PCDHGB4: variants seen among roughly 807,000 people sequenced by gnomAD.
PCDHGB4 encodes the protein protocadherin gamma subfamily B, 4, also known as protocadherin gamma-B4.
In PCDHGB4, 38 loss-of-function variants were observed where a neutral mutation model predicts 60.5. The observed-to-expected ratio is 0.63, with a 90% CI of 0.48 to 0.82. The LOEUF (loss-of-function observed/expected upper bound fraction) is 0.82, where lower values mean the gene tolerates loss of function less well. PCDHGB4 is among the 40% of genes least tolerant of loss of function. The probability of loss-of-function intolerance (pLI) is 0.00; values close to 1 mark genes in which losing one functional copy is unlikely to be tolerated. For synonymous variants in PCDHGB4, 456 were observed against 509.7 expected (o/e 0.89, Z 1.42); for missense variants, 1,109 against 1,209.6 (o/e 0.92, Z 1.23).
intron 1 of PCDHGB4, 131 bp downstream of exon 1, chr5:141,390,412 C>A: frequency 8.3e-7 from 1 of 1,206,056 alleles, no homozygotes; most frequent in Admixed American, 2.5e-5. Flanking sequence ...AAGTTGTAGT[C>A]AGTTAAAAAG....
At chr5:141,426,916 A>T (rs1227752756) in intron 1 of PCDHGB4, 2 of 456,618 alleles carry the variant, frequency 4.4e-6, no homozygotes, top group Non-Finnish European at 4.4e-6. Context: ...CTGGTCCTGG[A>T]AGCAATGGAC....
Position 141,477,919 on chromosome 5 carries a change from G to A in PCDHGB4, c.2398-16888G>A. 2.5e-6 allele frequency: 4 copies of A among 1,614,162 alleles called. No individual in the cohort carries two copies. The highest frequency in any genetic ancestry group is 8.5e-7 in the Non-Finnish European group (1 of 1,180,026). The stretch of plus-strand genomic sequence containing the variant: ...TGGTAGGCTGGGACGCGGATGCAGG[G>A]CACAATGCCTGGCTCTCCTACAGTC... On this transcript the variant is annotated intron_variant, in intron 1 of 3. Transcript: ENST00000519479. The surrounding 1 kb of genome is among the most constrained non-coding windows in gnomAD (Gnocchi z 4.9).
chr5:141,410,737 C>A, intron 1 of PCDHGB4: 1 of 1,295,554 alleles, frequency 7.7e-7, no homozygotes, highest in East Asian at 2.5e-5. Context: ...TAGCTTTTTA[C>A]AATATTTTCT....
At chr5:141,419,443 C>A in intron 1 of PCDHGB4, 1 of 1,613,080 alleles carries the variant, frequency 6.2e-7, no homozygotes, top group Non-Finnish European at 8.5e-7. Context: ...TGCGCACCTT[C>A]GAGCTCACGC....
rs1275109387 is a variant in PCDHGB4 at position 141,431,924 on chromosome 5, A to G, written c.2397+41643A>G. The G allele has an allele frequency of 1.1e-5, 17 of 1,614,050 alleles. No homozygotes were observed. Among genetic ancestry groups the G allele is most frequent in the Non-Finnish European group, 1.4e-5 (17 of 1,179,982 alleles). On this transcript the variant is annotated intron_variant, in intron 1 of 3. Coordinates refer to ENST00000519479, the MANE Select transcript of PCDHGB4 (RefSeq NM_003736.4). The surrounding 1 kb of genome is among the most constrained non-coding windows in gnomAD (Gnocchi z 4.8). ...ACAGGTGATCTGTTTCATCCAAGGA[A>G]ATCTGCCCTTTAAATTAGAAAAATC... is the stretch of plus-strand genomic sequence containing the variant.
At chr5:141,509,163 C>T (rs561329093) in intron 3 of PCDHGB4, among the ~76,000 whole-genome samples, 1 of 152,204 alleles carries the variant, frequency 6.6e-6, no homozygotes, top group East Asian at 1.9e-4. Context: ...CTCCCGTGTG[C>T]CCTCCTCCTC....
At chr5:141,420,164 A>G (rs2096471602) in intron 1 of PCDHGB4, 1 of 1,614,040 alleles carries the variant, frequency 6.2e-7, no homozygotes, top group Non-Finnish European at 8.5e-7. Context: ...TAATTTTTTC[A>G]CATCTGTTGA....
chr5:141,421,527 GTCC>G (rs2096581302), intron 1 of PCDHGB4: 1 of 1,614,050 alleles, frequency 6.2e-7, no homozygotes, highest in African/African-American at 1.3e-5. Flanking sequence ...GTGAGACGGT[GTCC>G]TCCTGTTTTT....
chr5:141,393,452 G>T lies in PCDHGB4; in HGVS notation c.2397+3171G>T, dbSNP rs189963623. 9.0e-3 allele frequency: 14,601 copies of T among 1,614,028 alleles called. 101 individuals are homozygous for T. The highest frequency in any genetic ancestry group is 0.01 in the Non-Finnish European group (11,851 of 1,179,906). ...AGGCTGCTCACCACCTGGTCCTCACGGCCTCGGATGGCGGCAAGCCGCCTC... is the reference window on the plus strand; with the variant it reads ...AGGCTGCTCACCACCTGGTCCTCACTGCCTCGGATGGCGGCAAGCCGCCTC... On this transcript the variant is annotated intron_variant, in intron 1 of 3. Coordinates refer to ENST00000519479, the MANE Select transcript of PCDHGB4 (RefSeq NM_003736.4).
intron 1 of PCDHGB4, chr5:141,413,132 A>C (rs1313665743): frequency 1.3e-6 from 2 of 1,542,144 alleles, no homozygotes; most frequent in Admixed American, 4.0e-5. Context: ...GAAACACACA[A>C]CGTGTCCAGT....
rs192747939 is a variant in PCDHGB4 at position 141,487,483 on chromosome 5, T to A, written c.2398-7324T>A. ...TTGTTGATGTGGGAGGCCACTCTCA[T>A]GGCTGTACACCCTTGGCTTCTGCAC... On this transcript the variant is annotated intron_variant, in intron 1 of 3. Transcript: ENST00000519479. This position sits in a 1 kb window ranked among gnomAD's most constrained non-coding sequence, Gnocchi z 5.0. 1 of 1,614,224 alleles carries A rather than the reference T, an allele frequency of 6.2e-7. No individual in the cohort carries two copies. The highest frequency in any genetic ancestry group is 1.1e-5 in the South Asian group (1 of 91,084).
intron 1 of PCDHGB4, chr5:141,410,723 T>G: frequency 7.2e-7 from 1 of 1,391,168 alleles, no homozygotes; most frequent in Non-Finnish European, 9.6e-7. Context: ...ATGTTTAAAA[T>G]CCATAGCTTT....
chr5:141,463,086 GC>G (rs1171354311), intron 1 of PCDHGB4, among the ~76,000 whole-genome samples: 1 of 152,098 alleles, frequency 6.6e-6, no homozygotes, highest in African/African-American at 2.4e-5. Context: ...ACATTTTCCA[GC>G]CCTATGTGAC....
rs768383792 is a variant in PCDHGB4 at position 141,476,155 on chromosome 5, C to A, written c.2398-18652C>A. 1.2e-6 allele frequency: 2 copies of A among 1,612,382 alleles called. No homozygotes were observed. Among genetic ancestry groups the A allele is most frequent in the Non-Finnish European group, 1.7e-6 (2 of 1,179,764 alleles). On this transcript the variant is annotated intron_variant, in intron 1 of 3. Coordinates refer to ENST00000519479, the MANE Select transcript of PCDHGB4 (RefSeq NM_003736.4). This position sits in a 1 kb window ranked among gnomAD's most constrained non-coding sequence, Gnocchi z 7.6. ...CCTGGAGGAGCGGACTGGTAAGCAC[C>A]GGGAGGGTAGTGGGAGTTTTGCTTC... is the stretch of plus-strand genomic sequence containing the variant.
Position 141,454,796 on chromosome 5 carries a change from A to ATTTTTTTTTTTTT in PCDHGB4, c.2398-39994_2398-39982dup, listed in dbSNP as rs61612330. On this transcript the variant is annotated intron_variant, in intron 1 of 3. Coordinates refer to ENST00000519479, the MANE Select transcript of PCDHGB4 (RefSeq NM_003736.4). ...AAGGAAATAATCCTCCATGGTTCTAATTTTTTTTTTTTTTTTTTTTTTTTT... is the reference window on the plus strand; with the variant it reads ...AAGGAAATAATCCTCCATGGTTCTAATTTTTTTTTTTTTTTTTTTTTTTTTTTTTTTTTTTTTT... Among the ~76,000 whole-genome samples the ATTTTTTTTTTTTT allele has an allele frequency of 1.7e-3, 135 of 77,462 alleles. 8 individuals carry two copies. The highest frequency in any genetic ancestry group is 2.5e-3 in the Admixed American group (14 of 5,554). The allele number at this position is 77,462 out of a possible 152,430, so 50.8% of individuals were successfully genotyped here.
intron 1 of PCDHGB4, chr5:141,403,705 C>T: frequency 6.2e-7 from 1 of 1,613,894 alleles, no homozygotes; most frequent in Non-Finnish European, 8.5e-7. Context: ...GAGTTAAAGT[C>T]CTTGAGAACG....
rs369354938 is a variant in PCDHGB4, at chr5:141,404,125, T to C, written c.2397+13844T>C. 7.5e-4 allele frequency: 1,204 copies of C among 1,613,214 alleles called. 1 individual carries two copies. The highest frequency in any genetic ancestry group is 8.4e-4 in the Non-Finnish European group (986 of 1,179,494). On this transcript the variant is annotated intron_variant, in intron 1 of 3. Coordinates refer to ENST00000519479, the MANE Select transcript of PCDHGB4 (RefSeq NM_003736.4). Reference sequence around the variant, plus strand: ...TCTGTTCTATCCAGGAGAATCTATCTTTTACATTAGAAAATTCAGAAGAAG... The same window carrying C: ...TCTGTTCTATCCAGGAGAATCTATCCTTTACATTAGAAAATTCAGAAGAAG...
intron 1 of PCDHGB4, among the ~76,000 whole-genome samples, chr5:141,434,490 G>A (rs566645029): frequency 2.5e-4 from 38 of 152,274 alleles, no homozygotes; most frequent in Non-Finnish European, 4.9e-4. Flanking sequence ...CACCTGGCCC[G>A]CCCAGGGCAG....
At chr5:141,407,453 C>T (rs914537742) in intron 1 of PCDHGB4, among the ~76,000 whole-genome samples, 4 of 148,722 alleles carry the variant, frequency 2.7e-5, no homozygotes, top group Non-Finnish European at 6.0e-5. Flanking sequence ...ACACGAGGCT[C>T]ACCAGACAGA....
Sources: allele counts gnomAD v4.1 joint callset (sites outside exome capture counted in the v4.1 genomes callset), GRCh38; gene constraint gnomAD v4.1.1; non-coding constraint Gnocchi (gnomAD v3.1); transcripts MANE v1.5; gene names NCBI Gene and HGNC (gene_info 2026-07-23, HGNC 2026-07-21).